RAP1GAP: variants seen among roughly 807,000 people sequenced by gnomAD.
RAP1GAP encodes RAP1 GTPase activating protein.
In RAP1GAP, 35 loss-of-function variants were observed where a neutral mutation model predicts 87.2. The observed-to-expected ratio is 0.40, with a 90% CI of 0.31 to 0.53. The LOEUF (loss-of-function observed/expected upper bound fraction) is 0.53. RAP1GAP is among the 20% of genes least tolerant of loss of function. The probability of loss-of-function intolerance (pLI) is 0.48; values close to 1 mark genes in which losing one functional copy is unlikely to be tolerated. For missense variants in RAP1GAP, 734 were observed against 898.9 expected (o/e 0.82, Z 2.35); for synonymous variants, 375 against 363.9 (o/e 1.03, Z -0.35).
In RAP1GAP at chr1:21,634,682, A is replaced by G; in HGVS notation, c.-112-8285T>C. ...GGCAGAGGCCTCCTGAACAAATAAC[A>G]GGTTGGCAGCCTAGAGAGGTGGTCA... On this transcript the variant is annotated intron_variant, in intron 2 of 24. Transcript: ENST00000374765. This position sits in a 1 kb window ranked among gnomAD's most constrained non-coding sequence, Gnocchi z 4.1. 6.1e-6 allele frequency: 2 copies of G among 326,274 alleles called. No homozygotes were observed. The highest frequency in any genetic ancestry group is 2.2e-5 in the South Asian group (1 of 45,930). 20.2% of individuals were successfully genotyped at this position (326,274 alleles called of 1,614,324 possible). A position where few individuals can be genotyped will look rare whatever the true frequency, so the allele number is the denominator to read the frequency against.
intron 20 of RAP1GAP, among the ~76,000 whole-genome samples, chr1:21,600,107 G>A (rs72660313): frequency 0.3 from 46,235 of 151,954 alleles, 7,066 homozygotes; most frequent in Middle Eastern, 0.44. Context: ...GGCAGGGGTT[G>A]AGGTCCAGGC....
Position 21,609,316 on chromosome 1 carries a change from G to C in RAP1GAP, c.1071+259C>G, listed in dbSNP as rs1217248394. ...AGAAAGAGACTGGAACTGTCAGAAA[G>C]AGAACAGAAATGAGGAGAGGCCAGT... On this transcript the variant is annotated intron_variant, in intron 15 of 24. Transcript: ENST00000374765. This position sits in a 1 kb window ranked among gnomAD's most constrained non-coding sequence, Gnocchi z 4.4. Among the ~76,000 whole-genome samples the C allele has an allele frequency of 6.6e-6, 1 of 151,246 alleles. No individual in the cohort carries two copies. The highest frequency in any genetic ancestry group is 1.5e-5 in the Non-Finnish European group (1 of 67,924).
chr1:21,651,402 G>A (rs2151979922), intron 1 of RAP1GAP: 1 of 541,772 alleles, frequency 1.8e-6, no homozygotes, highest in Non-Finnish European at 3.7e-6. Flanking sequence ...CTATACATGT[G>A]AGCAGTTGCG....
At chr1:21,644,279 A>G (rs567492173) in intron 2 of RAP1GAP, among the ~76,000 whole-genome samples, 4 of 152,130 alleles carry the variant, frequency 2.6e-5, no homozygotes, top group Non-Finnish European at 5.9e-5. Context: ...CTCATCCTTC[A>G]GGTTTTGGTT....
chr1:21,666,655 C>T (rs2097360136), intron 1 of RAP1GAP, among the ~76,000 whole-genome samples: 2 of 152,096 alleles, frequency 1.3e-5, no homozygotes, highest in African/African-American at 2.4e-5. Context: ...CCTCCACTCC[C>T]CTCCCCGGGT....
At chr1:21,645,390 G>A (rs1426851554) in intron 2 of RAP1GAP, among the ~76,000 whole-genome samples, 1 of 152,072 alleles carries the variant, frequency 6.6e-6, no homozygotes, top group Non-Finnish European at 1.5e-5. Context: ...TGAGGGAGGA[G>A]GATCGCTTGA....
chr1:21,651,540 C>T, intron 1 of RAP1GAP: 2 of 676,878 alleles, frequency 3.0e-6, no homozygotes, highest in Non-Finnish European at 5.7e-6. Context: ...CACTCACCTC[C>T]CCACACATGC....
chr1:21,618,675 G>C (rs539922987), intron 5 of RAP1GAP, among the ~76,000 whole-genome samples: 24 of 152,320 alleles, frequency 1.6e-4, no homozygotes, highest in Admixed American at 2.0e-4. Flanking sequence ...TGGTTTCAGG[G>C]AAAACATTTG....
chr1:21,666,583 C>T (rs1414959122), intron 1 of RAP1GAP, among the ~76,000 whole-genome samples: 1 of 152,140 alleles, frequency 6.6e-6, no homozygotes, highest in Non-Finnish European at 1.5e-5. Flanking sequence ...GCCAGTCAAG[C>T]TGGGTCCACA....
At position 21,609,367 on chromosome 1, in the gene RAP1GAP, G is replaced by C. The variant is rs1004313828; in HGVS notation, c.1071+208C>G. Among the ~76,000 whole-genome samples the C allele has an allele frequency of 2.0e-5, 3 of 150,744 alleles. No homozygotes were observed. Among genetic ancestry groups the C allele is most frequent in the Non-Finnish European group, 4.4e-5 (3 of 67,838 alleles). On this transcript the variant is annotated intron_variant, in intron 15 of 24. Coordinates refer to ENST00000374765, the MANE Select transcript of RAP1GAP (RefSeq NM_002885.4). This position sits in a 1 kb window ranked among gnomAD's most constrained non-coding sequence, Gnocchi z 4.4. The stretch of plus-strand genomic sequence containing the variant: ...CTACTATGGAAAGTGTAAAACAATC[G>C]TGTAGTTTATCCTGTGACCTTGTGA...
At chr1:21,644,215 A>T (rs1213383848) in intron 2 of RAP1GAP, among the ~76,000 whole-genome samples, 1 of 152,136 alleles carries the variant, frequency 6.6e-6, no homozygotes, top group Non-Finnish European at 1.5e-5. Flanking sequence ...GAGCCTTTGC[A>T]CCTGCTGCTC....
At chr1:21,660,017 A>T (rs2097056176) in intron 1 of RAP1GAP, among the ~76,000 whole-genome samples, 1 of 151,986 alleles carries the variant, frequency 6.6e-6, no homozygotes, top group Non-Finnish European at 1.5e-5. Context: ...TCCTTCCAAC[A>T]GTACACACTG....
intron 1 of RAP1GAP, among the ~76,000 whole-genome samples, chr1:21,658,993 G>C (rs549445188): frequency 6.8e-6 from 1 of 148,086 alleles, no homozygotes; most frequent in Non-Finnish European, 1.5e-5. Context: ...AGGCTGGAGT[G>C]CAATGGCGCG....
intron 2 of RAP1GAP, among the ~76,000 whole-genome samples, chr1:21,635,392 C>T (rs1476692837): frequency 6.6e-6 from 1 of 152,184 alleles, no homozygotes; most frequent in African/African-American, 2.4e-5. Context: ...CCCTTCATTC[C>T]TCTGCTCAGT....
chr1:21,608,155 G>A (rs899672924), intron 17 of RAP1GAP, 58 bp downstream of exon 17: 4 of 1,586,388 alleles, frequency 2.5e-6, no homozygotes, highest in Non-Finnish European at 3.4e-6. Context: ...GCCTCAGCCC[G>A]GGATTCCGCC....
intron 2 of RAP1GAP, among the ~76,000 whole-genome samples, chr1:21,643,639 G>A (rs1318458884): frequency 1.3e-5 from 2 of 151,968 alleles, no homozygotes; most frequent in Admixed American, 6.6e-5. Flanking sequence ...CCACGACAGT[G>A]CCTAAAATTC....
chr1:21,609,366 CG>C lies in RAP1GAP; in HGVS notation c.1071+208del, dbSNP rs1246555446. Among the ~76,000 whole-genome samples the C allele has an allele frequency of 4.7e-5, 7 of 149,426 alleles. No homozygotes were observed. The East Asian group carries it at 1.4e-3, about 29-fold the overall frequency. On this transcript the variant is annotated intron_variant, in intron 15 of 24. Transcript: ENST00000374765. This position sits in a 1 kb window ranked among gnomAD's most constrained non-coding sequence, Gnocchi z 4.4. ...TCTACTATGGAAAGTGTAAAACAAT[CG>C]TGTAGTTTATCCTGTGACCTTGTGA...
chr1:21,647,717 T>A lies in RAP1GAP; in HGVS notation c.-113+2044A>T, dbSNP rs1396308696. Among the ~76,000 whole-genome samples, 3 of 152,192 alleles carry A rather than the reference T, an allele frequency of 2.0e-5. No homozygotes were observed. The East Asian group carries it at 5.8e-4, about 29-fold the overall frequency. ...CTCAAGTCCACACCTGCCATGCTCT[T>A]TCCCCTACCCCAGGAACATTCACGA... On this transcript the variant is annotated intron_variant, in intron 2 of 24. Coordinates refer to ENST00000374765, the MANE Select transcript of RAP1GAP (RefSeq NM_002885.4).
intron 6 of RAP1GAP, 47 bp downstream of exon 6, chr1:21,617,887 G>C: frequency 6.2e-7 from 1 of 1,612,952 alleles, no homozygotes; most frequent in Non-Finnish European, 8.5e-7. Flanking sequence ...CTGTGTAAGT[G>C]CCTCCTGGGC....
Sources: allele counts gnomAD v4.1 joint callset (sites outside exome capture counted in the v4.1 genomes callset), GRCh38; gene constraint gnomAD v4.1.1; non-coding constraint Gnocchi (gnomAD v3.1); transcripts MANE v1.5; gene names NCBI Gene and HGNC (gene_info 2026-07-23, HGNC 2026-07-21).